Variants in CCDC68 observed in about 807,000 individuals in gnomAD.
CCDC68 encodes coiled-coil domain-containing protein 68.
In CCDC68, 45 loss-of-function variants were observed where a neutral mutation model predicts 47.1. That is an observed-to-expected ratio of 0.96 (90% CI 0.75 to 1.23). CCDC68 has a LOEUF of 1.23. Ranked by LOEUF, CCDC68 falls within the 50% of genes most tolerant of loss-of-function variation. The pLI is 0.00. For synonymous variants in CCDC68, 131 were observed against 129.5 expected (o/e 1.01, Z -0.08); for missense variants, 353 against 373.6 (o/e 0.94, Z 0.45).
At chr18:54,910,824 G>C (rs1381512100) in intron 10 of CCDC68, among the ~76,000 whole-genome samples, 1 of 152,232 alleles carries the variant, frequency 6.6e-6, no homozygotes, top group Non-Finnish European at 1.5e-5. Flanking sequence ...CAGTGCCTGG[G>C]CTTGGCCCCA....
Position 54,919,292 on chromosome 18 carries a change from G to A in CCDC68, c.768C>T (p.Asn256=). ...LQFVIHSQHQ[N]LRSVIQEMEG... ...TGACCTCCTGGATGACACTGCGCAGGTTCTGATGTTGGGAGTGAATCACAA... is the reference window on the plus strand; with the variant it reads ...TGACCTCCTGGATGACACTGCGCAGATTCTGATGTTGGGAGTGAATCACAA... Residue 256 remains asparagine, a synonymous_variant, in exon 9 of 12, where the codon AAC becomes AAT. Coordinates refer to ENST00000591504, the MANE Select transcript of CCDC68 (RefSeq NM_025214.3). 6.2e-7 allele frequency: 1 copy of A among 1,613,654 alleles called. No individual in the cohort carries two copies. Among genetic ancestry groups the A allele is most frequent in the South Asian group, 1.1e-5 (1 of 91,080 alleles).
chr18:54,927,452 T>C (rs892384204), intron 8 of CCDC68, among the ~76,000 whole-genome samples: 2 of 152,080 alleles, frequency 1.3e-5, no homozygotes, highest in Non-Finnish European at 2.9e-5. Flanking sequence ...TTAAAACACA[T>C]TTTTTAAAGG....
intron 1 of CCDC68, among the ~76,000 whole-genome samples, chr18:54,946,420 C>T (rs1396820235): frequency 6.6e-6 from 1 of 152,174 alleles, no homozygotes; most frequent in Non-Finnish European, 1.5e-5. Context: ...TCGATCTGGC[C>T]TGAGTTTGTT....
chr18:54,938,578 A>G (rs9954503), intron 4 of CCDC68, among the ~76,000 whole-genome samples: 58,402 of 152,192 alleles, frequency 0.38, 11,458 homozygotes, highest in East Asian at 0.59. Flanking sequence ...TGACACTGCC[A>G]TTATAACCTG....
intron 10 of CCDC68, among the ~76,000 whole-genome samples, chr18:54,912,844 G>C (rs532411341): frequency 7.9e-5 from 12 of 152,256 alleles, no homozygotes; most frequent in African/African-American, 2.6e-4. Context: ...TAAAGAATGA[G>C]AACCAAGCGA....
At chr18:54,958,947 T>A (rs1401825247) in intron 1 of CCDC68, among the ~76,000 whole-genome samples, 2 of 152,072 alleles carry the variant, frequency 1.3e-5, no homozygotes, top group African/African-American at 4.8e-5. Flanking sequence ...CACGCTGGAG[T>A]TCCTAGGTCA....
chr18:54,921,585 G>A (rs1053658515), intron 8 of CCDC68, among the ~76,000 whole-genome samples: 2 of 152,196 alleles, frequency 1.3e-5, no homozygotes, highest in African/African-American at 4.8e-5. Flanking sequence ...TGAGGGGCCT[G>A]GGAGAAGGAT....
At chr18:54,919,224 G>C in intron 9 of CCDC68, 47 bp downstream of exon 9, 1 of 1,434,784 alleles carries the variant, frequency 7.0e-7, no homozygotes, top group Non-Finnish European at 9.8e-7. Context: ...TGGGCTCCAC[G>C]CTGTAAACAT....
chr18:54,950,584 G>C (rs912595047), intron 1 of CCDC68, among the ~76,000 whole-genome samples: 2 of 152,034 alleles, frequency 1.3e-5, no homozygotes, highest in African/African-American at 2.4e-5. Flanking sequence ...CTAATCATTT[G>C]TATATACACA....
At chr18:54,908,383 T>C (rs372263289) in intron 10 of CCDC68, among the ~76,000 whole-genome samples, 10 of 152,244 alleles carry the variant, frequency 6.6e-5, no homozygotes, top group African/African-American at 2.4e-4. Flanking sequence ...ATGTCCTGCC[T>C]ACTTTGTGTA....
intron 8 of CCDC68, among the ~76,000 whole-genome samples, chr18:54,922,918 G>A (rs918218901): frequency 6.6e-6 from 1 of 150,844 alleles, no homozygotes. Context: ...AACCCAGGAG[G>A]TGGAGGTTGC....
At chr18:54,947,161 T>C (rs1331307552) in intron 1 of CCDC68, among the ~76,000 whole-genome samples, 1 of 152,182 alleles carries the variant, frequency 6.6e-6, no homozygotes, top group Non-Finnish European at 1.5e-5. Context: ...AGAAGTAGAT[T>C]AAGGGGATAA....
intron 10 of CCDC68, among the ~76,000 whole-genome samples, chr18:54,910,799 C>T (rs770876444): frequency 6.6e-6 from 1 of 152,230 alleles, no homozygotes; most frequent in Non-Finnish European, 1.5e-5. Flanking sequence ...ATGCACACAC[C>T]CAGCTGAGCT....
At chr18:54,935,871 G>A (rs1316436825) in intron 6 of CCDC68, among the ~76,000 whole-genome samples, 1 of 151,780 alleles carries the variant, frequency 6.6e-6, no homozygotes, top group East Asian at 1.9e-4. Context: ...TTTTAATTTT[G>A]GCAAACACAC....
intron 1 of CCDC68, chr18:54,954,570 C>T (rs1415427501): frequency 6.6e-6 from 1 of 152,136 alleles, no homozygotes; most frequent in Non-Finnish European, 1.5e-5. Flanking sequence ...GCTTACAGCT[C>T]AATACTAATC....
chr18:54,936,693 A>G, intron 6 of CCDC68, 140 bp downstream of exon 6: 1 of 1,023,596 alleles, frequency 9.8e-7, no homozygotes, highest in Non-Finnish European at 1.5e-6. Flanking sequence ...CAAAAGAGAC[A>G]AGCACACCGC....
At chr18:54,926,382 A>C (rs2044145153) in intron 8 of CCDC68, among the ~76,000 whole-genome samples, 1 of 152,224 alleles carries the variant, frequency 6.6e-6, no homozygotes, top group African/African-American at 2.4e-5. Context: ...AAAAGGAGGA[A>C]AAGCCCCTTA....
At chr18:54,947,353 C>T (rs2145616996) in intron 1 of CCDC68, among the ~76,000 whole-genome samples, 1 of 152,314 alleles carries the variant, frequency 6.6e-6, no homozygotes, top group African/African-American at 2.4e-5. Context: ...ATAGACAGGG[C>T]TCTGCCACCT....
chr18:54,938,935 T>C (rs1419301489), intron 4 of CCDC68, among the ~76,000 whole-genome samples: 1 of 152,248 alleles, frequency 6.6e-6, no homozygotes, highest in Non-Finnish European at 1.5e-5. Context: ...TACAGTCCTT[T>C]GTCTGAATAC....
Sources: gnomAD v4.1 joint callset for allele counts (sites outside exome capture counted in the v4.1 genomes callset) on GRCh38, gnomAD v4.1.1 for gene constraint, MANE v1.5 for transcripts, NCBI Gene and HGNC (gene_info 2026-07-23, HGNC 2026-07-21) for gene names.